The following ZNF701 variants were observed in gnomAD, a reference collection of about 807,000 sequenced individuals.
The protein encoded by ZNF701 is zinc finger protein 701.
In ZNF701, 6 loss-of-function variants were observed where a neutral mutation model predicts 7.1. That is an observed-to-expected ratio of 0.84 (90% CI 0.46 to 1.66). The LOEUF is 1.66. Ranked by LOEUF, ZNF701 falls within the 40% of genes most tolerant of loss-of-function variation. The pLI is 0.01. For synonymous variants in ZNF701, 166 were observed against 188.2 expected (o/e 0.88, Z 0.97); for missense variants, 541 against 559.2 (o/e 0.97, Z 0.33).
downstream of ZNF701, among the ~76,000 whole-genome samples, chr19:52,589,932 T>G (rs2060030220): frequency 6.6e-6 from 1 of 151,954 alleles, no homozygotes; most frequent in African/African-American, 2.4e-5. Context: ...TAGCTGAGAT[T>G]ACAAGTGCGC....
chr19:52,591,571 C>T (rs2060036955), downstream of ZNF701, among the ~76,000 whole-genome samples: 1 of 152,142 alleles, frequency 6.6e-6, no homozygotes, highest in Non-Finnish European at 1.5e-5. Flanking sequence ...TCACTGCAAC[C>T]TTCGCCTCTG....
chr19:52,579,767 A>T (rs148662305), intron 3 of ZNF701, among the ~76,000 whole-genome samples: 20,284 of 138,116 alleles, frequency 0.15, 3,025 homozygotes, highest in African/African-American at 0.2. Flanking sequence ...CCAGCTACTC[A>T]GGAGGCTGAG....
At chr19:52,597,719 TGAG>T in the ZNF701 span, 9 of 226,840 alleles carry the variant, frequency 4.0e-5, no homozygotes, top group Non-Finnish European at 7.9e-5. Context: ...GGGGCAAGAA[TGAG>T]GAGGCTGCCT....
In ZNF701 at chr19:52,583,622, C is replaced by A; in HGVS notation, c.*165C>A. The stretch of plus-strand genomic sequence containing the variant: ...GAGTTCATACTGGAGAGAAACCATA[C>A]AAATGTAAGGTTTGTGACAAGGATT... On this transcript the variant is annotated 3_prime_UTR_variant, in exon 4 of 4. Transcript: ENST00000391785. The A allele has an allele frequency of 1.5e-6, 2 of 1,313,220 alleles. No homozygotes were observed. The highest frequency in any genetic ancestry group is 2.2e-6 in the Non-Finnish European group (2 of 907,144). 81.3% of individuals were successfully genotyped at this position (1,313,220 alleles called of 1,614,324 possible).
At chr19:52,595,352 C>G in the ZNF701 span, among the ~76,000 whole-genome samples, 8 of 152,094 alleles carry the variant, frequency 5.3e-5, no homozygotes, top group African/African-American at 1.9e-4. Context: ...TCACTGCAAG[C>G]TCTGCCTCCA....
the ZNF701 span, chr19:52,595,800 AT>A: frequency 6.2e-7 from 1 of 1,606,274 alleles, no homozygotes; most frequent in Non-Finnish European, 8.5e-7. Flanking sequence ...AGAAATGGCC[AT>A]GAAGCACCCA....
rs2060008511 is a variant in ZNF701 at position 52,585,923 on chromosome 19, T to C, written c.*2466T>C. The stretch of plus-strand genomic sequence containing the variant: ...AGGGAGAGTAGCCTTTGATCCTTTG[T>C]TACTTTGGGTGGGAAGATGGGGTTT... On this transcript the variant is annotated 3_prime_UTR_variant, in exon 4 of 4. Coordinates refer to ENST00000391785, the MANE Select transcript of ZNF701 (RefSeq NM_018260.3). 1 of 152,444 alleles carries C rather than the reference T, an allele frequency of 6.6e-6. No individual in the cohort carries two copies. Among genetic ancestry groups the C allele is most frequent in the Admixed American group, 6.5e-5 (1 of 15,304 alleles). The allele number at this position is 152,444 out of a possible 1,614,324, so 9.4% of individuals were successfully genotyped here. A position where few individuals can be genotyped will look rare whatever the true frequency, so the allele number is the denominator to read the frequency against.
At chr19:52,592,246 C>G in the ZNF701 span, 51 of 1,567,846 alleles carry the variant, frequency 3.3e-5, no homozygotes, top group South Asian at 5.2e-4. Flanking sequence ...AAATATCCCT[C>G]CAGACATGAG....
chr19:52,597,455 C>A, the ZNF701 span: 1 of 439,966 alleles, frequency 2.3e-6, no homozygotes, highest in Non-Finnish European at 4.5e-6. Context: ...GATCATAAAG[C>A]TTTAATTGAC....
intron 1 of ZNF701, chr19:52,570,605 C>G (rs890377210): frequency 2.0e-5 from 3 of 152,292 alleles, no homozygotes; most frequent in Non-Finnish European, 2.9e-5. Context: ...TAACTCCTCC[C>G]TCCCCGCGCT....
chr19:52,576,803 T>C (rs755423842), intron 3 of ZNF701, among the ~76,000 whole-genome samples: 15 of 152,178 alleles, frequency 9.9e-5, no homozygotes, highest in Non-Finnish European at 2.2e-4. Flanking sequence ...CTTAGTACTT[T>C]CTTTTTATAA....
chr19:52,588,101 T>G (rs1359450738), downstream of ZNF701, among the ~76,000 whole-genome samples: 1 of 152,204 alleles, frequency 6.6e-6, no homozygotes, highest in African/African-American at 2.4e-5. Context: ...GCATAATCTC[T>G]GGTGCAGTGG....
intron 1 of ZNF701, 77 bp downstream of exon 1, chr19:52,570,407 C>T (rs2059890050): frequency 1.3e-5 from 2 of 152,330 alleles, no homozygotes; most frequent in African/African-American, 4.8e-5. Context: ...CGTGGGGTCA[C>T]CACAGACCTG....
At chr19:52,596,337 A>G in the ZNF701 span, 6 of 403,000 alleles carry the variant, frequency 1.5e-5, no homozygotes, top group East Asian at 6.5e-5. Flanking sequence ...CTTCAGTGTC[A>G]TCATAGACTT....
the ZNF701 span, among the ~76,000 whole-genome samples, chr19:52,595,277 C>CTTTTT: frequency 2.1e-4 from 31 of 147,872 alleles, no homozygotes; most frequent in Non-Finnish European, 2.8e-4. Context: ...ACCATCTGTA[C>CTTTTT]TTTTTTTTTT....
intron 1 of ZNF701, among the ~76,000 whole-genome samples, chr19:52,573,621 C>G (rs1395605254): frequency 2.6e-5 from 4 of 152,160 alleles, no homozygotes; most frequent in East Asian, 3.9e-4. Context: ...TGATCCTCCC[C>G]CTCAGCTTCC....
intron 2 of ZNF701, among the ~76,000 whole-genome samples, chr19:52,575,186 G>A (rs980805291): frequency 6.6e-6 from 1 of 152,164 alleles, no homozygotes; most frequent in South Asian, 2.1e-4. Flanking sequence ...AGCCAGGATG[G>A]TCTCGATCTC....
In ZNF701 at chr19:52,579,520, C is replaced by CAA. The variant is rs34682718; in HGVS notation, c.143-2658_143-2657dup. Among the ~76,000 whole-genome samples the CAA allele has an allele frequency of 4.7e-3, 285 of 60,000 alleles. 6 individuals carry two copies. Among genetic ancestry groups the CAA allele is most frequent in the African/African-American group, 0.016 (144 of 9,278 alleles). The allele number at this position is 60,000 out of a possible 152,430, so 39.4% of individuals were successfully genotyped here. A position where few individuals can be genotyped will look rare whatever the true frequency, so the allele number is the denominator to read the frequency against. On this transcript the variant is annotated intron_variant, in intron 3 of 3. Coordinates refer to ENST00000391785, the MANE Select transcript of ZNF701 (RefSeq NM_018260.3). ...GGGCAACGAGAGCGAAACTCTGTCT[C>CAA]AAAAAAAAAAAAAAAAAAAAAAAAA...
rs767008667 is a variant in ZNF701, at chr19:52,582,590, C to T, written c.531C>T (p.Ser177=). The change falls in exon 4 of 4, where the codon TCC becomes TCT. Residue 177 remains serine, a synonymous_variant. Coordinates refer to ENST00000391785, the MANE Select transcript of ZNF701 (RefSeq NM_018260.3). ...AINDAFSVSA[S]QRISCRPKTR... ...ACGATGCTTTCTCAGTTTCAGCATC[C>T]CAACGAATTTCCTGTAGGCCAAAAA... The T allele has an allele frequency of 1.9e-6, 3 of 1,614,122 alleles. No homozygotes were observed. Among genetic ancestry groups the T allele is most frequent in the South Asian group, 2.2e-5 (2 of 91,076 alleles).
Sources: gnomAD v4.1 joint callset for allele counts (sites outside exome capture counted in the v4.1 genomes callset) on GRCh38, gnomAD v4.1.1 for gene constraint, MANE v1.5 for transcripts, NCBI Gene and HGNC (gene_info 2026-07-23, HGNC 2026-07-21) for gene names.